ATL2: variants seen among roughly 807,000 people sequenced by gnomAD.
ATL2 encodes the protein atlastin-2.
In ATL2, 31 loss-of-function variants were observed where a neutral mutation model predicts 73.9. The ratio of observed to expected loss-of-function variants is 0.42; its 90% CI spans 0.32 to 0.57. The LOEUF (loss-of-function observed/expected upper bound fraction) is 0.57, where lower values mean the gene tolerates loss of function less well. Among genes scored for constraint, ATL2 ranks in the 20% least tolerant of loss-of-function variants. ATL2 has a pLI of 0.14. For missense variants in ATL2, 738 were observed against 702.6 expected (o/e 1.05, Z -0.57); for synonymous variants, 291 against 237.5 (o/e 1.23, Z -2.07).
chr2:38,357,824 C>A (rs72904214), intron 1 of ATL2, among the ~76,000 whole-genome samples: 8,908 of 151,988 alleles, frequency 0.059, 880 homozygotes, highest in African/African-American at 0.2. Flanking sequence ...TAAAAATTAG[C>A]CTCAATACTT....
At chr2:38,350,835 A>G (rs1250084198) in intron 1 of ATL2, among the ~76,000 whole-genome samples, 1 of 152,156 alleles carries the variant, frequency 6.6e-6, no homozygotes. Flanking sequence ...CATTATCTTA[A>G]ATCTGCCAAA....
chr2:38,331,506 AGGCTG>A, intron 2 of ATL2, among the ~76,000 whole-genome samples: 1 of 150,920 alleles, frequency 6.6e-6, no homozygotes, highest in African/African-American at 2.4e-5. Flanking sequence ...GCTACTTGGA[AGGCTG>A]AAGCAGGAGA....
At chr2:38,361,922 C>T (rs996023441) in intron 1 of ATL2, among the ~76,000 whole-genome samples, 1 of 152,120 alleles carries the variant, frequency 6.6e-6, no homozygotes, top group Admixed American at 6.5e-5. Context: ...GTAATGCATG[C>T]ATCAAGATTT....
intron 2 of ATL2, among the ~76,000 whole-genome samples, chr2:38,341,940 T>A (rs1318781773): frequency 6.6e-6 from 1 of 152,194 alleles, no homozygotes; most frequent in Non-Finnish European, 1.5e-5. Flanking sequence ...TCTGTCAAAG[T>A]ATTATTTCTA....
At chr2:38,335,865 C>G (rs1458161767) in intron 2 of ATL2, among the ~76,000 whole-genome samples, 1 of 152,022 alleles carries the variant, frequency 6.6e-6, no homozygotes, top group Non-Finnish European at 1.5e-5. Context: ...ACAGTGAAAC[C>G]CCGTCTCTAC....
intron 1 of ATL2, among the ~76,000 whole-genome samples, chr2:38,369,386 T>G (rs1322416058): frequency 2.0e-5 from 3 of 151,828 alleles, no homozygotes; most frequent in Non-Finnish European, 2.9e-5. Context: ...GAAGGTAGAG[T>G]GAGCCGAGAC....
In ATL2 at chr2:38,314,597, A is replaced by G. The variant is rs1355272652; in HGVS notation, c.711+11T>C. The G allele has an allele frequency of 6.3e-7, 1 of 1,586,886 alleles. No homozygotes were observed. Among genetic ancestry groups the G allele is most frequent in the Admixed American group, 1.7e-5 (1 of 59,694 alleles). Reference sequence around the variant, plus strand: ...AGGCTAATCTTTAAAATGTTAGAATAACTTTTTTACCTGAAATGGTTTCTG... The same window carrying G: ...AGGCTAATCTTTAAAATGTTAGAATGACTTTTTTACCTGAAATGGTTTCTG... On this transcript the variant is annotated intron_variant, in intron 6 of 12. Coordinates refer to ENST00000378954, the MANE Select transcript of ATL2 (RefSeq NM_001135673.4).
At chr2:38,368,021 A>G (rs985441761) in intron 1 of ATL2, among the ~76,000 whole-genome samples, 1 of 145,604 alleles carries the variant, frequency 6.9e-6, no homozygotes, top group African/African-American at 2.6e-5. Context: ...TGCAAGCTCC[A>G]CCTTCCGGGT....
rs1414091264 is a variant in ATL2 at position 38,343,275 on chromosome 2, T to C, written c.356A>G (p.Tyr119Cys). 6.2e-7 allele frequency: 1 copy of C among 1,604,530 alleles called. No individual in the cohort carries two copies. Among genetic ancestry groups the C allele is most frequent in the African/African-American group, 1.4e-5 (1 of 73,948 alleles). The change falls in exon 2 of 13, where the codon TAT (tyrosine) becomes TGT (cysteine). Residue 119 changes from tyrosine to cysteine, a missense_variant. Transcript: ENST00000378954. ...ATTTAAAAGACTATTCACCTTGTTA[T>C]ACATGTATCTAAGCATGAAGTCCAG... ...FLLDFMLRYM[Y>C]NKDSQSWIGG...
intron 2 of ATL2, among the ~76,000 whole-genome samples, chr2:38,322,667 G>C (rs561339642): frequency 3.3e-5 from 5 of 152,120 alleles, no homozygotes; most frequent in Admixed American, 1.3e-4. Flanking sequence ...CTCTTCCTAG[G>C]TTACCTTGTA....
intron 1 of ATL2, among the ~76,000 whole-genome samples, chr2:38,371,667 G>T (rs918790682): frequency 6.6e-6 from 1 of 152,130 alleles, no homozygotes; most frequent in East Asian, 1.9e-4. Flanking sequence ...GGAGGCCAAG[G>T]TGGGTGGATC....
intron 1 of ATL2, among the ~76,000 whole-genome samples, chr2:38,372,859 A>G (rs749619067): frequency 1.3e-4 from 20 of 152,238 alleles, no homozygotes; most frequent in Non-Finnish European, 2.8e-4. Context: ...TGAACATATT[A>G]TCAGCATTTT....
intron 2 of ATL2, among the ~76,000 whole-genome samples, chr2:38,325,695 CCAGTA>C (rs1668593523): frequency 6.5e-4 from 6 of 9,244 alleles, no homozygotes; most frequent in Non-Finnish European, 1.1e-3. Flanking sequence ...CACACACACA[CCAGTA>C]CACACACACA....
intron 1 of ATL2, among the ~76,000 whole-genome samples, chr2:38,354,663 G>A (rs1670557187): frequency 6.6e-6 from 1 of 152,162 alleles, no homozygotes; most frequent in South Asian, 2.1e-4. Context: ...GCCAAGGCAG[G>A]AGAATCACCT....
intron 1 of ATL2, chr2:38,376,014 C>A: frequency 7.6e-7 from 1 of 1,312,152 alleles, no homozygotes; most frequent in Non-Finnish European, 9.9e-7. Context: ...AAATGCTTTA[C>A]ATTTTATCCA....
chr2:38,357,672 A>AC (rs60871215), intron 1 of ATL2, among the ~76,000 whole-genome samples: 3 of 150,220 alleles, frequency 2.0e-5, no homozygotes, highest in Non-Finnish European at 3.0e-5. Context: ...AAAAAAAAAA[A>AC]CCTCTAGAGA....
At chr2:38,355,708 T>C (rs1670620411) in intron 1 of ATL2, among the ~76,000 whole-genome samples, 1 of 151,270 alleles carries the variant, frequency 6.6e-6, no homozygotes, top group South Asian at 2.1e-4. Context: ...TGGTTCTTTT[T>C]TTTTTTTTTT....
Position 38,309,458 on chromosome 2 carries a change from A to G in ATL2, c.992T>C (p.Leu331Pro). 6.2e-7 allele frequency: 1 copy of G among 1,612,922 alleles called. No homozygotes were observed. Among genetic ancestry groups the G allele is most frequent in the Non-Finnish European group, 8.5e-7 (1 of 1,179,736 alleles). The stretch of plus-strand genomic sequence containing the variant: ...TTCTACCAAATTTTCAGGGGCAAGC[A>G]GCAATGGAACCAGATTTCGAAGCTC... ...KRELRNLVPLLLAPENLVEKE... is the reference protein window; with the variant it reads ...KRELRNLVPLPLAPENLVEKE... Residue 331 changes from leucine to proline, a missense_variant, in exon 9 of 13, where the codon CTG becomes CCG. By Grantham distance (98) the Leu-to-Pro change is moderately conservative (BLOSUM62 -3). Transcript: ENST00000378954.
chr2:38,349,786 CACAG>C (rs1394035433), intron 1 of ATL2, among the ~76,000 whole-genome samples: 1 of 152,130 alleles, frequency 6.6e-6, no homozygotes, highest in Admixed American at 6.6e-5. Flanking sequence ...AGTTTATTAG[CACAG>C]ACAAAGACAG....
Sources: allele counts gnomAD v4.1 joint callset (sites outside exome capture counted in the v4.1 genomes callset), GRCh38; gene constraint gnomAD v4.1.1; transcripts MANE v1.5; gene names NCBI Gene and HGNC (gene_info 2026-07-23, HGNC 2026-07-21).